PXYLP1: variants seen among roughly 807,000 people sequenced by gnomAD.
PXYLP1 encodes the protein 2-phosphoxylose phosphatase 1, also known as acid phosphatase-like 2.
A neutral mutation model predicts 37.9 loss-of-function variants in PXYLP1; 17 were observed. The observed-to-expected ratio is 0.45, with a 90% CI of 0.31 to 0.67. The LOEUF (loss-of-function observed/expected upper bound fraction) is 0.67. Ranked by LOEUF, PXYLP1 falls within the 30% of genes least tolerant of loss-of-function variation. The probability of loss-of-function intolerance (pLI) is 0.07; values close to 1 mark genes in which losing one functional copy is unlikely to be tolerated. For synonymous variants in PXYLP1, 221 were observed against 232.2 expected, an observed-to-expected ratio of 0.95 and a Z score of 0.44; for missense variants, 511 against 612.0, an observed-to-expected ratio of 0.84 and a Z score of 1.74.
intron 1 of PXYLP1, among the ~76,000 whole-genome samples, chr3:141,257,307 C>T (rs763534520): frequency 4.6e-5 from 7 of 152,198 alleles, no homozygotes; most frequent in Non-Finnish European, 8.8e-5. Flanking sequence ...CTAGGGTCTT[C>T]ACATGGTGGT....
chr3:141,257,267 A>G (rs1269691227), intron 1 of PXYLP1, among the ~76,000 whole-genome samples: 2 of 152,224 alleles, frequency 1.3e-5, no homozygotes, highest in Non-Finnish European at 2.9e-5. Context: ...CCTTGGCTCC[A>G]TGTGGTCTCT....
chr3:141,278,310 T>C (rs369775884), intron 2 of PXYLP1, 32 bp from the exon 3 acceptor site: 5 of 1,612,992 alleles, frequency 3.1e-6, no homozygotes, highest in African/African-American at 1.3e-5. Flanking sequence ...CCCCAGGAAC[T>C]GTGCGTCACA....
intron 4 of PXYLP1, among the ~76,000 whole-genome samples, chr3:141,285,861 G>T (rs556553816): frequency 6.6e-6 from 1 of 152,138 alleles, no homozygotes; most frequent in Non-Finnish European, 1.5e-5. Context: ...TTGTGGAAAG[G>T]CATAACTCCC....
In PXYLP1 at chr3:141,294,908, A is replaced by AT. The variant is rs932775307; in HGVS notation, c.*1709dup. ...CTTAAAAATAAAAGTGACTCGGAAG[A>AT]TTTTTTAAAAAATCAATTGATAGTA... is the stretch of plus-strand genomic sequence containing the variant. On this transcript the variant is annotated 3_prime_UTR_variant, in exon 6 of 6. Transcript: ENST00000286353. The AT allele has an allele frequency of 2.0e-5, 3 of 152,350 alleles. No homozygotes were observed. The East Asian group carries it at 5.8e-4, about 29-fold the overall frequency. The allele number at this position is 152,350 out of a possible 1,614,324, so 9.4% of individuals were successfully genotyped here. A position where few individuals can be genotyped will look rare whatever the true frequency, so the allele number is the denominator to read the frequency against.
chr3:141,232,529 G>A (rs1940546741), intron 1 of PXYLP1: 1 of 152,314 alleles, frequency 6.6e-6, no homozygotes, highest in African/African-American at 2.4e-5. Flanking sequence ...GGGAGTCCCG[G>A]GCCTGGCCAC....
chr3:141,292,370 A>G lies in PXYLP1; in HGVS notation c.608A>G (p.Glu203Gly). ...TGGTCTGCAGACCAGCTCTATTTAG[A>G]GACCACTGGGAAAAGCCGGACCCTA... ...NDWSADQLYLETTGKSRTLQS... is the reference protein window; with the variant it reads ...NDWSADQLYLGTTGKSRTLQS... The change falls in exon 6 of 6, where the codon GAG becomes GGG. Residue 203 changes from glutamate (E) to glycine (G), a missense_variant. Coordinates refer to ENST00000286353, the MANE Select transcript of PXYLP1 (RefSeq NM_001037172.3). This position sits in a 1 kb window ranked among gnomAD's most constrained non-coding sequence, Gnocchi z 4.3. 1 of 1,614,206 alleles carries G rather than the reference A, an allele frequency of 6.2e-7. No individual in the cohort carries two copies. The highest frequency in any genetic ancestry group is 8.5e-7 in the Non-Finnish European group (1 of 1,180,048).
intron 1 of PXYLP1, among the ~76,000 whole-genome samples, chr3:141,257,116 A>T (rs1048561797): frequency 6.6e-6 from 1 of 152,230 alleles, no homozygotes; most frequent in Non-Finnish European, 1.5e-5. Context: ...AGATGAGGAT[A>T]TTGAGATCTA....
chr3:141,277,375 A>G (rs1472489746), intron 2 of PXYLP1, among the ~76,000 whole-genome samples: 2 of 152,186 alleles, frequency 1.3e-5, no homozygotes, highest in African/African-American at 2.4e-5. Context: ...AAGTATGACT[A>G]TACTGTGTTG....
At chr3:141,279,525 A>AGTGTTTTTTCT in intron 4 of PXYLP1, 21 bp downstream of exon 4, 1 of 1,614,020 alleles carries the variant, frequency 6.2e-7, no homozygotes, top group Non-Finnish European at 8.5e-7. Flanking sequence ...CTTTTTCTAA[A>AGTGTTTTTTCT]AGTCATTTTC....
Position 141,293,332 on chromosome 3 carries a change from G to T in PXYLP1, c.*127G>T. The T allele has an allele frequency of 2.0e-6, 2 of 1,006,608 alleles. No individual in the cohort carries two copies. The highest frequency in any genetic ancestry group is 1.4e-6 in the Non-Finnish European group (1 of 706,432). 62.4% of individuals were successfully genotyped at this position (1,006,608 alleles called of 1,614,324 possible). On this transcript the variant is annotated 3_prime_UTR_variant, in exon 6 of 6. Transcript: ENST00000286353. The stretch of plus-strand genomic sequence containing the variant: ...TTTAAAGGCTAAATATTGTTTGTGG[G>T]AACCACAGATGGTTGGGGTTGAACA...
At chr3:141,265,420 CT>C (rs1201998460) in intron 2 of PXYLP1, among the ~76,000 whole-genome samples, 1 of 151,550 alleles carries the variant, frequency 6.6e-6, no homozygotes, top group African/African-American at 2.4e-5. Flanking sequence ...AAATCTGCAT[CT>C]TTAACAAACT....
chr3:141,254,113 G>T (rs918023376), intron 1 of PXYLP1, among the ~76,000 whole-genome samples: 1 of 152,016 alleles, frequency 6.6e-6, no homozygotes, highest in Non-Finnish European at 1.5e-5. Flanking sequence ...TGGTTTCGCT[G>T]TGTTGGCCAG....
At chr3:141,280,450 C>T (rs1941923179) in intron 4 of PXYLP1, among the ~76,000 whole-genome samples, 1 of 152,342 alleles carries the variant, frequency 6.6e-6, no homozygotes, top group Admixed American at 6.5e-5. Flanking sequence ...GACCAGTTGG[C>T]CTGGCTGCCT....
chr3:141,282,892 A>G (rs58970344), intron 4 of PXYLP1, among the ~76,000 whole-genome samples: 3 of 152,310 alleles, frequency 2.0e-5, no homozygotes, highest in Non-Finnish European at 2.9e-5. Context: ...TATGGGGGGA[A>G]GTTAGTACAG....
At chr3:141,270,747 G>T (rs897568645) in intron 2 of PXYLP1, among the ~76,000 whole-genome samples, 1 of 152,196 alleles carries the variant, frequency 6.6e-6, no homozygotes. Context: ...GGAGAAGGGA[G>T]ATTGGCTGGT....
intron 2 of PXYLP1, among the ~76,000 whole-genome samples, chr3:141,265,509 C>A (rs1372117186): frequency 6.6e-6 from 1 of 151,758 alleles, no homozygotes; most frequent in Non-Finnish European, 1.5e-5. Flanking sequence ...CTGGGAGGCA[C>A]CTCAGAGGCT....
At chr3:141,279,560 T>C (rs1303118959) in intron 4 of PXYLP1, 56 bp downstream of exon 4, 4 of 1,604,866 alleles carry the variant, frequency 2.5e-6, no homozygotes, top group African/African-American at 1.3e-5. Context: ...TCCTGTAGGA[T>C]AGAGAATGAC....
intron 5 of PXYLP1, among the ~76,000 whole-genome samples, chr3:141,289,404 G>A (rs1006202659): frequency 1.1e-4 from 17 of 152,164 alleles, no homozygotes; most frequent in East Asian, 5.8e-4. Context: ...CAGCCCCCCA[G>A]CCCCTACCCA....
At chr3:141,235,085 C>A (rs1176386811) in intron 1 of PXYLP1, 2 of 152,170 alleles carry the variant, frequency 1.3e-5, no homozygotes, top group African/African-American at 4.8e-5. Context: ...CAGAACCTGT[C>A]CCTGGACAAG....
Sources: allele counts gnomAD v4.1 joint callset (sites outside exome capture counted in the v4.1 genomes callset), GRCh38; gene constraint gnomAD v4.1.1; non-coding constraint Gnocchi (gnomAD v3.1); transcripts MANE v1.5; gene names NCBI Gene and HGNC (gene_info 2026-07-23, HGNC 2026-07-21).